LYRM4: variants seen among roughly 807,000 people sequenced by gnomAD.
The protein encoded by LYRM4 is LYR motif-containing protein 4.
In LYRM4, 9 loss-of-function variants were observed where a neutral mutation model predicts 11.7. The ratio of observed to expected loss-of-function variants is 0.77; its 90% confidence interval spans 0.46 to 1.34. LYRM4 has a LOEUF of 1.34. Ranked by LOEUF, LYRM4 falls within the 40% of genes most tolerant of loss-of-function variation. LYRM4 has a pLI of 0.00. For synonymous variants in LYRM4, 42 were observed against 40.4 expected, an observed-to-expected ratio of 1.04 and a Z score of -0.15; for missense variants, 133 against 112.5, an observed-to-expected ratio of 1.18 and a Z score of -0.82.
At chr6:5,202,357 G>T (rs1445129127) in intron 2 of LYRM4, among the ~76,000 whole-genome samples, 2 of 152,180 alleles carry the variant, frequency 1.3e-5, no homozygotes, top group Non-Finnish European at 2.9e-5. Flanking sequence ...CAGGCAGAGG[G>T]GCCTGGCTCA....
At chr6:5,213,982 T>G (rs758636698) in intron 2 of LYRM4, among the ~76,000 whole-genome samples, 4 of 152,216 alleles carry the variant, frequency 2.6e-5, no homozygotes, top group African/African-American at 9.6e-5. Flanking sequence ...AGGTTAAATA[T>G]CTTGCTCAGA....
intron 2 of LYRM4, among the ~76,000 whole-genome samples, chr6:5,208,521 A>G (rs1422341158): frequency 6.6e-6 from 1 of 152,240 alleles, no homozygotes; most frequent in Non-Finnish European, 1.5e-5. Flanking sequence ...GGAGCACTCC[A>G]GCACATGGAA....
the LYRM4 span, among the ~76,000 whole-genome samples, chr6:5,077,634 T>G: frequency 6.6e-6 from 1 of 152,210 alleles, no homozygotes; most frequent in Admixed American, 6.5e-5. Flanking sequence ...GGGTGTAAGA[T>G]CTACCTGAGA....
At chr6:5,163,498 CTT>C (rs58536562) in intron 2 of LYRM4, among the ~76,000 whole-genome samples, 118 of 139,270 alleles carry the variant, frequency 8.5e-4, no homozygotes, top group African/African-American at 2.7e-3. Context: ...AGCATTCCAA[CTT>C]TTTTTTTTTT....
chr6:5,256,176 C>A (rs1764656201), intron 1 of LYRM4, among the ~76,000 whole-genome samples: 1 of 151,934 alleles, frequency 6.6e-6, no homozygotes, highest in African/African-American at 2.4e-5. Context: ...TGAAGAAGAG[C>A]CAAGAAGACA....
At chr6:5,197,918 T>TC (rs34641430) in intron 2 of LYRM4, among the ~76,000 whole-genome samples, 5,236 of 151,646 alleles carry the variant, frequency 0.035, 241 homozygotes, top group African/African-American at 0.11. Context: ...ACGCCTGTAA[T>TC]CCAGCACTTT....
intron 2 of LYRM4, chr6:5,113,521 G>C (rs1762980532): frequency 3.4e-6 from 1 of 290,224 alleles, no homozygotes; most frequent in Non-Finnish European, 6.9e-6. Flanking sequence ...CTGCCCTGAA[G>C]GGGGACCCAC....
At chr6:5,085,675 G>C in the LYRM4 span, 1 of 1,548,422 alleles carries the variant, frequency 6.5e-7, no homozygotes, top group South Asian at 1.2e-5. Flanking sequence ...CCCGAAGGAA[G>C]AGGCCGCCCC....
At chr6:5,036,836 T>C in the LYRM4 span, among the ~76,000 whole-genome samples, 110,997 of 151,920 alleles carry the variant, frequency 0.73, 41,317 homozygotes, top group East Asian at 0.95. Flanking sequence ...GGGCACGGGA[T>C]ACGCTCAAGT....
the LYRM4 span, among the ~76,000 whole-genome samples, chr6:5,036,673 G>C: frequency 6.6e-6 from 1 of 152,218 alleles, no homozygotes. Flanking sequence ...GATTGCTTCA[G>C]ATAGTCACTC....
At chr6:5,074,702 G>A in the LYRM4 span, among the ~76,000 whole-genome samples, 1 of 151,586 alleles carries the variant, frequency 6.6e-6, no homozygotes, top group South Asian at 2.1e-4. Context: ...TATATATGGA[G>A]AAGCACAAGT....
At chr6:5,050,826 T>C in the LYRM4 span, among the ~76,000 whole-genome samples, 1 of 152,124 alleles carries the variant, frequency 6.6e-6, no homozygotes, top group Non-Finnish European at 1.5e-5. Flanking sequence ...TAACAGATTT[T>C]TAAAAATCAA....
At chr6:5,242,363 C>T (rs934696499) in intron 1 of LYRM4, among the ~76,000 whole-genome samples, 17 of 141,470 alleles carry the variant, frequency 1.2e-4, no homozygotes, top group Admixed American at 2.1e-4. Flanking sequence ...TGAGCCACTG[C>T]GCCCGGCCAC....
intron 2 of LYRM4, among the ~76,000 whole-genome samples, chr6:5,142,860 C>G (rs1229368500): frequency 1.3e-5 from 2 of 152,200 alleles, no homozygotes; most frequent in Non-Finnish European, 2.9e-5. Context: ...AATGCCTTTC[C>G]CTAAGGAGAG....
At chr6:5,122,739 C>T (rs1581320769) in intron 2 of LYRM4, among the ~76,000 whole-genome samples, 1 of 152,236 alleles carries the variant, frequency 6.6e-6, no homozygotes, top group African/African-American at 2.4e-5. Flanking sequence ...GGGCCAACAT[C>T]TGGCTCATGC....
intron 2 of LYRM4, among the ~76,000 whole-genome samples, chr6:5,167,133 G>A (rs1422606380): frequency 2.6e-5 from 4 of 152,186 alleles, no homozygotes; most frequent in Non-Finnish European, 4.4e-5. Flanking sequence ...TTCAGTTGGT[G>A]TAGATACCTT....
chr6:5,084,879 A>G, the LYRM4 span: 2 of 152,396 alleles, frequency 1.3e-5, no homozygotes, highest in Admixed American at 1.3e-4. Flanking sequence ...CTGCGTAGGC[A>G]AGATTTCCCC....
At chr6:5,199,888 T>A (rs149335930) in intron 2 of LYRM4, among the ~76,000 whole-genome samples, 1 of 152,186 alleles carries the variant, frequency 6.6e-6, no homozygotes, top group African/African-American at 2.4e-5. Context: ...CAAGGTGCTA[T>A]AAGAGAGTTG....
intron 1 of LYRM4, among the ~76,000 whole-genome samples, chr6:5,226,444 G>A (rs1762897292): frequency 6.6e-6 from 1 of 152,142 alleles, no homozygotes; most frequent in Non-Finnish European, 1.5e-5. Context: ...GAGTGCAATG[G>A]CGCAATCTCA....
Sources: allele counts gnomAD v4.1 joint callset (sites outside exome capture counted in the v4.1 genomes callset), GRCh38; gene constraint gnomAD v4.1.1; transcripts MANE v1.5; gene names NCBI Gene and HGNC (gene_info 2026-07-23, HGNC 2026-07-21).